The following ABRAXAS2 variants were observed in gnomAD, a reference collection of about 807,000 sequenced individuals.
The protein encoded by ABRAXAS2 is BRISC complex subunit Abraxas 2.
ABRAXAS2 carries 23 observed loss-of-function variants against 49.0 expected under a neutral mutation model. That is an observed-to-expected ratio of 0.47 (90% confidence interval 0.34 to 0.66). ABRAXAS2 has a LOEUF of 0.66. Ranked by LOEUF, ABRAXAS2 falls within the 30% of genes least tolerant of loss-of-function variation. ABRAXAS2 has a pLI of 0.01. For missense variants in ABRAXAS2, 443 were observed against 511.9 expected (o/e 0.87, Z 1.30); for synonymous variants, 168 against 180.2 (o/e 0.93, Z 0.54).
At chr10:124,808,070 A>G (rs1240191557) in intron 2 of ABRAXAS2, among the ~76,000 whole-genome samples, 1 of 152,198 alleles carries the variant, frequency 6.6e-6, no homozygotes, top group East Asian at 1.9e-4. Context: ...CCTCCTTTTG[A>G]TAAATAGAGG....
chr10:124,809,675 G>A (rs1409880623), intron 2 of ABRAXAS2, among the ~76,000 whole-genome samples: 1 of 152,088 alleles, frequency 6.6e-6, no homozygotes, highest in South Asian at 2.1e-4. Flanking sequence ...CCCACGGCCT[G>A]TAGGGTGCAT....
chr10:124,806,657 G>A (rs1224104728), intron 1 of ABRAXAS2, among the ~76,000 whole-genome samples, 174 bp from the exon 2 acceptor site: 2 of 151,696 alleles, frequency 1.3e-5, no homozygotes, highest in South Asian at 4.1e-4. Flanking sequence ...CCAATTAATA[G>A]ATATACCTCA....
intron 3 of ABRAXAS2, 91 bp from the exon 4 acceptor site, chr10:124,819,293 T>G: frequency 4.1e-6 from 4 of 974,860 alleles, no homozygotes; most frequent in Non-Finnish European, 6.6e-6. Flanking sequence ...AAGTTAGGTC[T>G]TCATTAGGGT....
intron 4 of ABRAXAS2, 50 bp downstream of exon 4, chr10:124,819,500 C>A (rs11245376): frequency 2.7e-6 from 4 of 1,499,054 alleles, no homozygotes; most frequent in East Asian, 2.3e-5. Flanking sequence ...TCCTTATCAC[C>A]GAAAAGATAA....
At chr10:124,828,626 G>A (rs376460641) in intron 5 of ABRAXAS2, 130 bp from the exon 6 acceptor site, 7 of 724,556 alleles carry the variant, frequency 9.7e-6, no homozygotes, top group African/African-American at 5.4e-5. Context: ...TGCCTGCCTC[G>A]GCCTCCCAAA....
At chr10:124,802,375 C>G (rs996801177) in intron 1 of ABRAXAS2, among the ~76,000 whole-genome samples, 1 of 152,252 alleles carries the variant, frequency 6.6e-6, no homozygotes. Context: ...GTGGCTGTCA[C>G]TACTGATACT....
chr10:124,815,727 G>A (rs539700951), intron 2 of ABRAXAS2, among the ~76,000 whole-genome samples: 3 of 152,070 alleles, frequency 2.0e-5, no homozygotes, highest in African/African-American at 7.2e-5. Context: ...GATCTACCCT[G>A]TAATGATTGT....
At chr10:124,805,259 G>A (rs1269436544) in intron 1 of ABRAXAS2, among the ~76,000 whole-genome samples, 6 of 151,712 alleles carry the variant, frequency 4.0e-5, no homozygotes, top group African/African-American at 1.2e-4. Flanking sequence ...CGTGAACCCC[G>A]GGAGGCGGAG....
At chr10:124,827,311 C>T (rs140923426) in intron 5 of ABRAXAS2, among the ~76,000 whole-genome samples, 1,607 of 151,814 alleles carry the variant, frequency 0.011, 12 homozygotes, top group South Asian at 0.049. Context: ...AGGCACACAC[C>T]ACCATGCTGG....
chr10:124,814,319 A>G (rs1233633500), intron 2 of ABRAXAS2, among the ~76,000 whole-genome samples: 1 of 151,162 alleles, frequency 6.6e-6, no homozygotes, highest in Non-Finnish European at 1.5e-5. Context: ...AAAAGAAGGA[A>G]ATATTACTAG....
At chr10:124,813,556 A>C (rs1440373622) in intron 2 of ABRAXAS2, among the ~76,000 whole-genome samples, 3 of 152,198 alleles carry the variant, frequency 2.0e-5, no homozygotes, top group African/African-American at 7.2e-5. Context: ...GAAACTCTGG[A>C]AATTCCAGGT....
intron 4 of ABRAXAS2, among the ~76,000 whole-genome samples, chr10:124,826,255 T>C (rs961277841): frequency 1.3e-4 from 20 of 152,212 alleles, no homozygotes; most frequent in Non-Finnish European, 2.4e-4. Flanking sequence ...TAACCACTGA[T>C]CTTCTTTATG....
intron 5 of ABRAXAS2, among the ~76,000 whole-genome samples, chr10:124,827,148 G>A (rs1000427073): frequency 7.7e-5 from 11 of 143,690 alleles, no homozygotes; most frequent in Non-Finnish European, 1.2e-4. Context: ...CTTCAAAAAT[G>A]TGCATTATAG....
At chr10:124,824,886 C>G (rs567562118) in intron 4 of ABRAXAS2, among the ~76,000 whole-genome samples, 1 of 152,172 alleles carries the variant, frequency 6.6e-6, no homozygotes, top group South Asian at 2.1e-4. Flanking sequence ...ACTACTTTTA[C>G]CTTTTTTATG....
At chr10:124,812,775 A>T (rs1262198775) in intron 2 of ABRAXAS2, among the ~76,000 whole-genome samples, 1 of 152,262 alleles carries the variant, frequency 6.6e-6, no homozygotes, top group East Asian at 1.9e-4. Context: ...ATTTTCTGGC[A>T]TAGCTTACCC....
At chr10:124,811,142 C>T (rs867689396) in intron 2 of ABRAXAS2, among the ~76,000 whole-genome samples, 74 of 151,806 alleles carry the variant, frequency 4.9e-4, no homozygotes, top group African/African-American at 1.7e-3. Context: ...ACCCGGGATG[C>T]GGAGGTTTCA....
chr10:124,831,475 A>T lies in ABRAXAS2; in HGVS notation c.778+12A>T. The T allele has an allele frequency of 7.1e-7, 1 of 1,409,550 alleles. No individual in the cohort carries two copies. The highest frequency in any genetic ancestry group is 1.0e-6 in the Non-Finnish European group (1 of 997,832). 87.3% of individuals were successfully genotyped at this position (1,409,550 alleles called of 1,614,324 possible). On this transcript the variant is annotated intron_variant, in intron 8 of 8. Coordinates refer to ENST00000298492, the MANE Select transcript of ABRAXAS2 (RefSeq NM_032182.4). ...GGAACAAGAAAGAAGTAAGTTTCTT[A>T]TTAATTTTACCATTCAGTATCAGGG... is the stretch of plus-strand genomic sequence containing the variant.
chr10:124,827,161 CA>C (rs1446194450), intron 5 of ABRAXAS2, among the ~76,000 whole-genome samples: 1 of 141,896 alleles, frequency 7.0e-6, no homozygotes, highest in Non-Finnish European at 1.5e-5. Context: ...CATTATAGTG[CA>C]TTTTTTTTTT....
At chr10:124,827,751 A>C (rs1452206610) in intron 5 of ABRAXAS2, among the ~76,000 whole-genome samples, 1 of 107,758 alleles carries the variant, frequency 9.3e-6, no homozygotes, top group Non-Finnish European at 2.0e-5. Context: ...TTGTTAAACC[A>C]AAAAAAAAAA....
Sources: gnomAD v4.1 joint callset for allele counts (sites outside exome capture counted in the v4.1 genomes callset) on GRCh38, gnomAD v4.1.1 for gene constraint, MANE v1.5 for transcripts, NCBI Gene and HGNC (gene_info 2026-07-23, HGNC 2026-07-21) for gene names.